Variants in NT5DC3 observed in about 807,000 individuals in gnomAD.
NT5DC3 encodes 5'-nucleotidase domain-containing protein 3.
Under a neutral mutation model 67.8 loss-of-function variants are expected in NT5DC3, and 42 were observed. The ratio of observed to expected loss-of-function variants is 0.62; its 90% CI spans 0.48 to 0.80. NT5DC3 has a LOEUF of 0.80. NT5DC3 is among the 30% of genes least tolerant of loss of function. The pLI is 0.00. For missense variants in NT5DC3, 570 were observed against 696.4 expected (o/e 0.82, Z 2.04); for synonymous variants, 237 against 255.6 (o/e 0.93, Z 0.69).
At chr12:103,840,423 T>TCATCTCATTCCATC (rs1566137842) in intron 1 of NT5DC3, among the ~76,000 whole-genome samples, 1 of 62,292 alleles carries the variant, frequency 1.6e-5, no homozygotes, top group Admixed American at 2.1e-4. Context: ...CTCATCTCAT[T>TCATCTCATTCCATC]CCATCCCATT....
chr12:103,840,433 T>TCCATCCCATTCCATC (rs1888358708), intron 1 of NT5DC3, among the ~76,000 whole-genome samples: 1 of 123,738 alleles, frequency 8.1e-6, no homozygotes, highest in Non-Finnish European at 1.8e-5. Flanking sequence ...TCCATCCCAT[T>TCCATCCCATTCCATC]CCATCCCATC....
rs1453430006 is a variant in NT5DC3 at position 103,776,697 on chromosome 12, A to G, written c.*1132T>C. On this transcript the variant is annotated 3_prime_UTR_variant, in exon 14 of 14. Transcript: ENST00000392876. ...AACAAAAAAAAAAAAAACAAACTAC[A>G]CAAACTCCCAAATAGTCGCACAAAC... 1.3e-5 allele frequency: 2 copies of G among 151,212 alleles called. No homozygotes were observed. The highest frequency in any genetic ancestry group is 2.9e-5 in the Non-Finnish European group (2 of 67,832). 9.4% of individuals were successfully genotyped at this position (151,212 alleles called of 1,614,324 possible).
Position 103,776,638 on chromosome 12 carries a change from T to G in NT5DC3, c.*1191A>C, listed in dbSNP as rs1288836847. On this transcript the variant is annotated 3_prime_UTR_variant, in exon 14 of 14. Transcript: ENST00000392876. ...CTTAGCTTCAATGTCCTTCGCCCTT[T>G]CCCATCTTAGACATCTAAAAAAAAA... 1 of 141,944 alleles carries G rather than the reference T, an allele frequency of 7.0e-6. No individual in the cohort carries two copies. The highest frequency in any genetic ancestry group is 1.5e-5 in the Non-Finnish European group (1 of 65,730). The allele number at this position is 141,944 out of a possible 1,614,324, so 8.8% of individuals were successfully genotyped here.
chr12:103,752,119 T>A, the NT5DC3 span, among the ~76,000 whole-genome samples: 1 of 152,106 alleles, frequency 6.6e-6, no homozygotes, highest in Non-Finnish European at 1.5e-5. Context: ...ACAGAAATAA[T>A]CTGAGAATTG....
chr12:103,821,694 C>G (rs568059652), intron 1 of NT5DC3, among the ~76,000 whole-genome samples: 85 of 152,296 alleles, frequency 5.6e-4, no homozygotes, highest in Admixed American at 1.2e-3. Context: ...TTTTCTATTG[C>G]TTACATCCAA....
At chr12:103,787,150 CTTA>C (rs1056730281) in intron 11 of NT5DC3, among the ~76,000 whole-genome samples, 3 of 151,410 alleles carry the variant, frequency 2.0e-5, no homozygotes, top group African/African-American at 4.9e-5. Flanking sequence ...GCATTTATTT[CTTA>C]TTATTTAAAT....
At chr12:103,759,000 A>G in the NT5DC3 span, 16 of 1,466,584 alleles carry the variant, frequency 1.1e-5, no homozygotes, top group Non-Finnish European at 1.5e-5. Flanking sequence ...AAACCTTGAC[A>G]TTTCCTGATC....
At chr12:103,749,872 A>AAAAAAAAAG in the NT5DC3 span, among the ~76,000 whole-genome samples, 2 of 131,480 alleles carry the variant, frequency 1.5e-5, no homozygotes, top group Non-Finnish European at 3.2e-5. Flanking sequence ...AAAAAAAAAA[A>AAAAAAAAAG]GCTGGTAAGA....
chr12:103,811,431 G>A (rs1362712989), intron 2 of NT5DC3, among the ~76,000 whole-genome samples: 1 of 152,064 alleles, frequency 6.6e-6, no homozygotes, highest in Non-Finnish European at 1.5e-5. Flanking sequence ...CCCTCACTAT[G>A]ATGGGATGAA....
In NT5DC3 at chr12:103,785,383, T is replaced by C. The variant is rs147429883; in HGVS notation, c.1281A>G (p.Gln427=). 5 of 1,613,994 alleles carry C rather than the reference T, an allele frequency of 3.1e-6. No individual in the cohort carries two copies. The African/African-American group carries it at 4.0e-5, about 13-fold the overall frequency. The change falls in exon 12 of 14, where the codon CAA becomes CAG. Residue 427 remains glutamine (Q), a synonymous_variant. Transcript: ENST00000392876. ...TCAAGGTCTGCAGCCAGGTCATGGT[T>C]TGAATGTATTGCTCCGTGTTCATGA... The part of the protein sequence containing the change: ...LKIMNTEQYI[Q]TMTWLQTLTG...
In NT5DC3 at chr12:103,841,054, GC is replaced by G; in HGVS notation, c.102del (p.Pro35ArgfsTer19). ...AAGGGCCGGGCGGGGCCCGCACACG[GC>G]CGCCCCCGAGCCGCGGTCCCGCAGC... ...RGGCGTAARG[R>X]PCAGPARPLC... On this transcript the variant is annotated frameshift_variant, in exon 1 of 14. Coordinates refer to ENST00000392876, the MANE Select transcript of NT5DC3 (RefSeq NM_001031701.3). LOFTEE classifies it high-confidence loss of function. 7.9e-7 allele frequency: 1 copy of G among 1,261,652 alleles called. No individual in the cohort carries two copies. The highest frequency in any genetic ancestry group is 9.9e-7 in the Non-Finnish European group (1 of 1,006,970). 78.2% of individuals were successfully genotyped at this position (1,261,652 alleles called of 1,614,324 possible). A position where few individuals can be genotyped will look rare whatever the true frequency, so the allele number is the denominator to read the frequency against.
chr12:103,757,927 A>G, the NT5DC3 span: 1 of 539,160 alleles, frequency 1.9e-6, no homozygotes, highest in Non-Finnish European at 3.3e-6. Flanking sequence ...AGGGCTGCTC[A>G]AGCAGCCACG....
At chr12:103,816,600 AT>A (rs961310190) in intron 1 of NT5DC3, among the ~76,000 whole-genome samples, 1 of 151,892 alleles carries the variant, frequency 6.6e-6, no homozygotes, top group African/African-American at 2.4e-5. Context: ...CATGATTTCT[AT>A]TTTTTTCTTG....
intron 1 of NT5DC3, among the ~76,000 whole-genome samples, chr12:103,838,190 T>C (rs1888232149): frequency 6.6e-6 from 1 of 152,176 alleles, no homozygotes; most frequent in Non-Finnish European, 1.5e-5. Flanking sequence ...CTATCCCCCA[T>C]AATTCAATTA....
chr12:103,767,958 C>T (rs141431998), downstream of NT5DC3, among the ~76,000 whole-genome samples: 4 of 151,698 alleles, frequency 2.6e-5, no homozygotes, highest in East Asian at 7.8e-4. Flanking sequence ...CATGGTAGCA[C>T]GGACCTGTAA....
chr12:103,814,815 T>C, intron 2 of NT5DC3, 122 bp downstream of exon 2: 2 of 660,574 alleles, frequency 3.0e-6, no homozygotes, highest in South Asian at 7.4e-5. Flanking sequence ...CAAAATCTAC[T>C]TATTCATTTA....
At position 103,775,698 on chromosome 12, in the gene NT5DC3, T is replaced by C. The variant is rs1382518357; in HGVS notation, c.*2131A>G. ...AAAAAAAGAACATACTACTGTGCCT[T>C]ACTGTGTTCATAACAAAATGTAGAA... is the stretch of plus-strand genomic sequence containing the variant. On this transcript the variant is annotated 3_prime_UTR_variant, in exon 14 of 14. Transcript: ENST00000392876. 6 of 141,472 alleles carry C rather than the reference T, an allele frequency of 4.2e-5. No homozygotes were observed. The highest frequency in any genetic ancestry group is 9.2e-5 in the Non-Finnish European group (6 of 65,008). The allele number at this position is 141,472 out of a possible 1,614,324, so 8.8% of individuals were successfully genotyped here.
In NT5DC3 at chr12:103,777,339, A is replaced by C. The variant is rs1593377912; in HGVS notation, c.*490T>G. The C allele has an allele frequency of 1.3e-5, 2 of 158,068 alleles. No homozygotes were observed. The highest frequency in any genetic ancestry group is 1.9e-4 in the South Asian group (1 of 5,348). 9.8% of individuals were successfully genotyped at this position (158,068 alleles called of 1,614,324 possible). A position where few individuals can be genotyped will look rare whatever the true frequency, so the allele number is the denominator to read the frequency against. On this transcript the variant is annotated 3_prime_UTR_variant, in exon 14 of 14. Transcript: ENST00000392876. ...TTGGGAACTGGCCATCACCTGGGGAACCTCTCTGCCACTCACAGCAGCGTT... is the reference window on the plus strand; with the variant it reads ...TTGGGAACTGGCCATCACCTGGGGACCCTCTCTGCCACTCACAGCAGCGTT...
chr12:103,749,470 T>A, the NT5DC3 span, among the ~76,000 whole-genome samples: 1 of 152,060 alleles, frequency 6.6e-6, no homozygotes, highest in Non-Finnish European at 1.5e-5. Context: ...GTAGAGAGTA[T>A]AGGAGAGTTT....
Sources: allele counts gnomAD v4.1 joint callset (sites outside exome capture counted in the v4.1 genomes callset), GRCh38; gene constraint gnomAD v4.1.1; transcripts MANE v1.5; gene names NCBI Gene and HGNC (gene_info 2026-07-23, HGNC 2026-07-21).